ZNRF3: variants seen among roughly 807,000 people sequenced by gnomAD.
ZNRF3 encodes zinc and ring finger 3.
ZNRF3 carries 23 observed loss-of-function variants against 72.5 expected under a neutral mutation model. The observed-to-expected ratio is 0.32, with a 90% CI of 0.23 to 0.45. The LOEUF (loss-of-function observed/expected upper bound fraction) is 0.45. Ranked by LOEUF, ZNRF3 falls within the 20% of genes least tolerant of loss-of-function variation. The pLI is 1.00. For synonymous variants in ZNRF3, 610 were observed against 545.3 expected, an observed-to-expected ratio of 1.12 and a Z score of -1.65; for missense variants, 1,169 against 1,272.1, an observed-to-expected ratio of 0.92 and a Z score of 1.23.
rs940579107 is a variant in ZNRF3 at position 29,042,435 on chromosome 22, C to G, written c.427-60C>G. 1.1e-5 allele frequency: 17 copies of G among 1,515,808 alleles called. No homozygotes were observed. The African/African-American group carries it at 2.3e-4, about 21-fold the overall frequency. The allele number at this position is 1,515,808 out of a possible 1,614,324, so 93.9% of individuals were successfully genotyped here. A position where few individuals can be genotyped will look rare whatever the true frequency, so the allele number is the denominator to read the frequency against. ...TTGATTACAGGCCTGATTGCCAAGG[C>G]CAACTTTGAAAAGGTAAGAGGACCA... is the stretch of plus-strand genomic sequence containing the variant. On this transcript the variant is annotated intron_variant, in intron 2 of 8. Transcript: ENST00000544604.
intron 1 of ZNRF3, 138 bp downstream of exon 1, chr22:28,884,204 C>T: frequency 4.5e-6 from 3 of 660,374 alleles, no homozygotes; most frequent in Non-Finnish European, 5.7e-6. Context: ...GCATCCCTCC[C>T]CTGCGGGCGG....
Position 29,055,510 on chromosome 22 carries a change from T to C in ZNRF3, c.*1888T>C, listed in dbSNP as rs1260744356. ...GGATTTGACAAATTCCAACATCAAA[T>C]GATCAAAACATTTGCCACTGAGGCT... On this transcript the variant is annotated 3_prime_UTR_variant, in exon 9 of 9. Coordinates refer to ENST00000544604, the MANE Select transcript of ZNRF3 (RefSeq NM_001206998.2). 1 of 152,252 alleles carries C rather than the reference T, an allele frequency of 6.6e-6. No homozygotes were observed. The highest frequency in any genetic ancestry group is 2.4e-5 in the African/African-American group (1 of 41,466). The allele number at this position is 152,252 out of a possible 1,614,324, so 9.4% of individuals were successfully genotyped here. A position where few individuals can be genotyped will look rare whatever the true frequency, so the allele number is the denominator to read the frequency against.
At chr22:28,925,465 T>G (rs1447690140) in intron 1 of ZNRF3, among the ~76,000 whole-genome samples, 1 of 152,148 alleles carries the variant, frequency 6.6e-6, no homozygotes, top group Admixed American at 6.5e-5. Context: ...CCATGCACAT[T>G]GAATTGTCTG....
At chr22:29,053,066 G>T (rs11912498) in intron 8 of ZNRF3, among the ~76,000 whole-genome samples, 3,411 of 152,148 alleles carry the variant, frequency 0.022, 63 homozygotes, top group East Asian at 0.094. Context: ...CTTGCTTCCT[G>T]CTTTCACCTC....
intron 1 of ZNRF3, among the ~76,000 whole-genome samples, chr22:28,928,534 C>T (rs1241315026): frequency 7.4e-6 from 1 of 134,606 alleles, no homozygotes; most frequent in Non-Finnish European, 1.5e-5. Flanking sequence ...TGCTCTGTCA[C>T]TCAGGCTGGA....
rs779405955 is a variant in ZNRF3, at chr22:29,050,783, A to G, written c.2602A>G (p.Arg868Gly). ...TRGPDTPRPH[R>G]GLGATREEER... ...AGGCCCGGATACCCCACGGCCCCAC[A>G]GGGGCCTGGGAGCAACCCGGGAAGA... The change falls in exon 8 of 9, where the codon AGG becomes GGG. Residue 868 changes from arginine to glycine, a missense_variant. Physicochemically the swap from Arg to Gly is moderately radical, Grantham distance 125 (BLOSUM62 -2). Transcript: ENST00000544604. 21 of 1,607,404 alleles carry G rather than the reference A, an allele frequency of 1.3e-5. No homozygotes were observed. In the Admixed American group the frequency reaches 2.5e-4, roughly 19 times the overall value.
chr22:28,963,557 G>T (rs1340554134), intron 1 of ZNRF3, among the ~76,000 whole-genome samples: 1 of 152,148 alleles, frequency 6.6e-6, no homozygotes, highest in African/African-American at 2.4e-5. Context: ...TGGGCAAGTG[G>T]CATAAGGGCC....
Position 28,883,817 on chromosome 22 carries a change from C to A in ZNRF3, c.51C>A (p.Arg17=), listed in dbSNP as rs2123737753. 1 of 979,450 alleles carries A rather than the reference C, an allele frequency of 1.0e-6. No homozygotes were observed. The highest frequency in any genetic ancestry group is 4.6e-5 in the South Asian group (1 of 21,950). The allele number at this position is 979,450 out of a possible 1,614,324, so 60.7% of individuals were successfully genotyped here. Residue 17 remains arginine, a synonymous_variant, in exon 1 of 9, where the codon CGC becomes CGA. Transcript: ENST00000544604. This position sits in a 1 kb window ranked among gnomAD's most constrained non-coding sequence, Gnocchi z 5.5. The part of the protein sequence containing the change: ...GRPGATGRRR[R]RLRRRPRGLR... ...CAGGGGCCACGGGCCGCCGCCGCCG[C>A]CGCCTGCGCCGCCGCCCCCGCGGCC...
chr22:28,966,945 T>A (rs2035477207), intron 1 of ZNRF3, among the ~76,000 whole-genome samples: 1 of 144,390 alleles, frequency 6.9e-6, no homozygotes, highest in African/African-American at 2.6e-5. Context: ...AGTGGCATAA[T>A]CTCGGCTCAC....
At chr22:29,033,928 G>A (rs955053009) in intron 2 of ZNRF3, among the ~76,000 whole-genome samples, 1 of 152,204 alleles carries the variant, frequency 6.6e-6, no homozygotes, top group African/African-American at 2.4e-5. Context: ...AATAGCTGCA[G>A]AAGTAACTTG....
At chr22:29,027,425 T>C (rs749291712) in intron 2 of ZNRF3, among the ~76,000 whole-genome samples, 65 of 152,044 alleles carry the variant, frequency 4.3e-4, no homozygotes, top group Non-Finnish European at 7.2e-4. Context: ...ATTTTTGTAT[T>C]TGTAGTAGAG....
chr22:28,905,148 G>A (rs1294557898), intron 1 of ZNRF3, among the ~76,000 whole-genome samples: 1 of 151,922 alleles, frequency 6.6e-6, no homozygotes, highest in East Asian at 1.9e-4. Context: ...TGTTGCCCAG[G>A]TTGATCTCGA....
At position 29,049,098 on chromosome 22, in the gene ZNRF3, A is replaced by G; in HGVS notation, c.1016-99A>G. On this transcript the variant is annotated intron_variant, in intron 7 of 8. Transcript: ENST00000544604. The surrounding 1 kb of genome is among the most constrained non-coding windows in gnomAD (Gnocchi z 5.2). ...GAATGGGTACCTTGGCAGGTGACCA[A>G]GCCTGCTGCTTCAGCCTTTGCCCGT... is the stretch of plus-strand genomic sequence containing the variant. 3 of 1,367,232 alleles carry G rather than the reference A, an allele frequency of 2.2e-6. No homozygotes were observed. In the South Asian group the frequency reaches 4.2e-5, roughly 19 times the overall value. The allele number at this position is 1,367,232 out of a possible 1,614,324, so 84.7% of individuals were successfully genotyped here.
intron 1 of ZNRF3, among the ~76,000 whole-genome samples, chr22:28,959,666 C>G (rs1053674390): frequency 6.6e-6 from 1 of 152,166 alleles, no homozygotes; most frequent in African/African-American, 2.4e-5. Flanking sequence ...CTACCAAATT[C>G]TTGTGTTGAA....
At chr22:29,045,222 A>G (rs2037044132) in intron 5 of ZNRF3, among the ~76,000 whole-genome samples, 3 of 152,020 alleles carry the variant, frequency 2.0e-5, no homozygotes, top group South Asian at 4.2e-4. Flanking sequence ...TTAGCTGGGC[A>G]TGGTGGCATG....
chr22:29,022,612 C>G (rs1245138986), intron 2 of ZNRF3, among the ~76,000 whole-genome samples: 1 of 152,126 alleles, frequency 6.6e-6, no homozygotes, highest in Non-Finnish European at 1.5e-5. Context: ...AACCCACAAC[C>G]CTGACTTTTG....
chr22:29,021,330 AT>A (rs1239868322), intron 2 of ZNRF3, among the ~76,000 whole-genome samples: 3 of 152,200 alleles, frequency 2.0e-5, no homozygotes, highest in Non-Finnish European at 4.4e-5. Flanking sequence ...GATCTGCATA[AT>A]TTTTAAAACT....
At chr22:28,915,693 A>T (rs1397752608) in intron 1 of ZNRF3, among the ~76,000 whole-genome samples, 1 of 152,266 alleles carries the variant, frequency 6.6e-6, no homozygotes, top group Non-Finnish European at 1.5e-5. Flanking sequence ...TATTATAGAT[A>T]GAATTCATTC....
chr22:28,925,353 T>G (rs2034582101), intron 1 of ZNRF3, among the ~76,000 whole-genome samples: 1 of 152,156 alleles, frequency 6.6e-6, no homozygotes, highest in South Asian at 2.1e-4. Context: ...ACAAACCTGT[T>G]TCTGTTAGGT....
Sources: gnomAD v4.1 joint callset for allele counts (sites outside exome capture counted in the v4.1 genomes callset) on GRCh38, gnomAD v4.1.1 for gene constraint, Gnocchi (gnomAD v3.1) non-coding constraint, MANE v1.5 for transcripts, NCBI Gene and HGNC (gene_info 2026-07-23, HGNC 2026-07-21) for gene names.